Variants in TRPM6 observed in about 807,000 individuals in gnomAD.
TRPM6 encodes the protein channel kinase 2.
Under a neutral mutation model 247.6 loss-of-function variants are expected in TRPM6, and 111 were observed. That is an observed-to-expected ratio of 0.45 (90% CI 0.38 to 0.52). The LOEUF (loss-of-function observed/expected upper bound fraction) is 0.52, where lower values mean the gene tolerates loss of function less well. Among genes scored for constraint, TRPM6 ranks in the 20% least tolerant of loss-of-function variants. The pLI, the probability that TRPM6 is intolerant of heterozygous loss-of-function variation, is 0.00. For synonymous variants in TRPM6, 892 were observed against 853.8 expected, an observed-to-expected ratio of 1.04 and a Z score of -0.78; for missense variants, 2,126 against 2,421.5, an observed-to-expected ratio of 0.88 and a Z score of 2.56.
At chr9:74,800,505 A>G (rs764771085) in intron 16 of TRPM6, 23 bp from the exon 17 acceptor site, 5 of 1,555,424 alleles carry the variant, frequency 3.2e-6, no homozygotes, top group Middle Eastern at 1.7e-4. Flanking sequence ...TGGCCAATTA[A>G]GAAAACAAAG....
chr9:74,813,081 T>A (rs541624113), intron 11 of TRPM6, among the ~76,000 whole-genome samples: 2 of 152,348 alleles, frequency 1.3e-5, no homozygotes, highest in East Asian at 3.9e-4. Context: ...AGGTTTCTTC[T>A]TCTTCTTTTG....
chr9:74,771,549 C>T (rs1233969786), intron 25 of TRPM6, among the ~76,000 whole-genome samples, 154 bp downstream of exon 25: 4 of 152,202 alleles, frequency 2.6e-5, no homozygotes, highest in Non-Finnish European at 4.4e-5. Context: ...AATAAATATA[C>T]TTTGATTACA....
Position 74,796,755 on chromosome 9 carries a change from C to G in TRPM6, c.2377G>C (p.Glu793Gln). 6.2e-7 allele frequency: 1 copy of G among 1,614,022 alleles called. No individual in the cohort carries two copies. The highest frequency in any genetic ancestry group is 1.1e-5 in the South Asian group (1 of 91,082). The change falls in exon 18 of 39, where the codon GAA becomes CAA. Residue 793 changes from glutamate to glutamine, a missense_variant. By Grantham distance (29) the Glu-to-Gln change is conservative (BLOSUM62 2). Coordinates refer to ENST00000360774, the MANE Select transcript of TRPM6 (RefSeq NM_017662.5). ...YSDQNASSSK[E>Q]SASVKEYDLE... Reference sequence around the variant, plus strand: ...TTTGCACTAACCACAGAAGCACTTTCTTTGGAACTGCTGGCGTTCTGGTCA... The same window carrying G: ...TTTGCACTAACCACAGAAGCACTTTGTTTGGAACTGCTGGCGTTCTGGTCA...
intron 1 of TRPM6, among the ~76,000 whole-genome samples, chr9:74,862,083 C>T (rs1830704652): frequency 8.6e-6 from 1 of 116,778 alleles, no homozygotes. Context: ...GTTATCTTAT[C>T]TCAAAACTAC....
At chr9:74,816,852 C>A (rs766892042) in intron 10 of TRPM6, 40 bp downstream of exon 10, 1 of 1,609,672 alleles carries the variant, frequency 6.2e-7, no homozygotes, top group African/African-American at 1.3e-5. Context: ...ACATGAGAAG[C>A]GTAAATGAGG....
At chr9:74,792,909 C>G (rs1218127722) in intron 18 of TRPM6, 139 bp from the exon 19 acceptor site, 7 of 837,772 alleles carry the variant, frequency 8.4e-6, no homozygotes, top group Non-Finnish European at 1.3e-5. Flanking sequence ...GTAATCCCAG[C>G]ACTTTGGGAG....
intron 9 of TRPM6, among the ~76,000 whole-genome samples, chr9:74,817,200 T>A (rs1012075857): frequency 6.6e-6 from 1 of 152,186 alleles, no homozygotes; most frequent in Non-Finnish European, 1.5e-5. Context: ...TATGAAAGAA[T>A]GTTATTACAT....
rs1278180955 is a variant in TRPM6 at position 74,762,615 on chromosome 9, C to T, written c.4056G>A (p.Lys1352=). ...CAGTTTCTGCTGAAAAAGGAACTCGCTTTAGATTAGAGGGGACCAGAAGAA... is the reference window on the plus strand; with the variant it reads ...CAGTTTCTGCTGAAAAAGGAACTCGTTTTAGATTAGAGGGGACCAGAAGAA... ...GQFLLVPSNL[K]RVPFSAETVL... The change falls in exon 26 of 39, where the codon AAG becomes AAA. Residue 1352 remains lysine (K), a synonymous_variant. Transcript: ENST00000360774. 13 of 1,614,172 alleles carry T rather than the reference C, an allele frequency of 8.1e-6. No homozygotes were observed. The highest frequency in any genetic ancestry group is 1.1e-5 in the Non-Finnish European group (13 of 1,180,038).
At chr9:74,809,712 A>T (rs1408929147) in intron 13 of TRPM6, among the ~76,000 whole-genome samples, 1 of 152,108 alleles carries the variant, frequency 6.6e-6, no homozygotes, top group Non-Finnish European at 1.5e-5. Context: ...AGCACGATGG[A>T]CCATGCCTGT....
intron 16 of TRPM6, 98 bp from the exon 17 acceptor site, chr9:74,800,580 A>G: frequency 1.2e-6 from 1 of 835,398 alleles, no homozygotes; most frequent in East Asian, 2.6e-5. Flanking sequence ...AAAAGATTGG[A>G]TGTGAGGCTC....
chr9:74,845,217 G>A (rs908389685), intron 3 of TRPM6, among the ~76,000 whole-genome samples: 5 of 152,198 alleles, frequency 3.3e-5, no homozygotes, highest in Non-Finnish European at 7.3e-5. Context: ...AAATGGCACT[G>A]ACAGACTTGC....
chr9:74,820,950 T>C (rs1829112706), intron 8 of TRPM6, among the ~76,000 whole-genome samples: 1 of 151,386 alleles, frequency 6.6e-6, no homozygotes, highest in Non-Finnish European at 1.5e-5. Context: ...GGGAGAGGAG[T>C]GAAAGCAGAG....
Position 74,788,703 on chromosome 9 carries a change from C to G in TRPM6, c.2578G>C (p.Val860Leu). 3 of 1,614,056 alleles carry G rather than the reference C, an allele frequency of 1.9e-6. No individual in the cohort carries two copies. Among genetic ancestry groups the G allele is most frequent in the Non-Finnish European group, 2.5e-6 (3 of 1,179,962 alleles). Residue 860 changes from valine (V) to leucine (L), a missense_variant, in exon 20 of 39, where the codon GTG becomes CTG. By Grantham distance (32) the Val-to-Leu change is conservative. Around this residue, in one of 3 missense-constraint regions of TRPM6, gnomAD observed 1,082 missense variants for 1,307.9 expected, o/e 0.83. Coordinates refer to ENST00000360774, the MANE Select transcript of TRPM6 (RefSeq NM_017662.5). The stretch of plus-strand genomic sequence containing the variant: ...GGCTGGGGCTGCATCTCCACCAACA[C>G]GGTGTAAGTGAACAGCATGAGGAAT... The part of the protein sequence containing the change: ...LAFLMLFTYT[V>L]LVEMQPQPSV...
At chr9:74,736,618 T>C (rs559659176) in intron 36 of TRPM6, among the ~76,000 whole-genome samples, 1 of 152,326 alleles carries the variant, frequency 6.6e-6, no homozygotes, top group South Asian at 2.1e-4. Context: ...CATCCAGGTC[T>C]AACCAATTGG....
intron 27 of TRPM6, among the ~76,000 whole-genome samples, chr9:74,759,200 G>A (rs921857445): frequency 2.6e-5 from 4 of 152,024 alleles, no homozygotes; most frequent in African/African-American, 4.8e-5. Context: ...TCGACATATA[G>A]ATCTATGGCA....
chr9:74,771,630 T>C (rs1827045437), intron 25 of TRPM6, 73 bp downstream of exon 25: 9 of 1,467,254 alleles, frequency 6.1e-6, no homozygotes, highest in Admixed American at 3.4e-5. Context: ...AAGATCTTTC[T>C]ACACCTTTAG....
rs528537776 is a variant in TRPM6 at position 74,813,884 on chromosome 9, G to C, written c.1309-1451C>G. On this transcript the variant is annotated intron_variant, in intron 11 of 38. Transcript: ENST00000360774. ...GGCTGAGGCAGGCATATCACCTGTG[G>C]TCAGGAGTTCGAAACCAGCCTGGCC... Among the ~76,000 whole-genome samples the C allele has an allele frequency of 2.0e-5, 3 of 152,242 alleles. 1 individual carries two copies. The highest frequency in any genetic ancestry group is 2.0e-4 in the Admixed American group (3 of 15,286).
intron 1 of TRPM6, among the ~76,000 whole-genome samples, chr9:74,874,004 G>A (rs1183526353): frequency 6.6e-6 from 1 of 152,096 alleles, no homozygotes; most frequent in Non-Finnish European, 1.5e-5. Context: ...GGGAGGCTGA[G>A]GCAGGCAGAT....
At chr9:74,773,515 C>T (rs1827119460) in intron 24 of TRPM6, among the ~76,000 whole-genome samples, 1 of 152,326 alleles carries the variant, frequency 6.6e-6, no homozygotes, top group South Asian at 2.1e-4. Flanking sequence ...CTTCATCAAA[C>T]TCCAGCATTC....
Sources: gnomAD v4.1 joint callset for allele counts (sites outside exome capture counted in the v4.1 genomes callset) on GRCh38, gnomAD v4.1.1 for gene constraint, gnomAD v4.1.1 regional missense constraint, MANE v1.5 for transcripts, NCBI Gene and HGNC (gene_info 2026-07-23, HGNC 2026-07-21) for gene names.